The following CBFA2T2 variants were observed in gnomAD, a reference collection of about 807,000 sequenced individuals.
CBFA2T2 encodes protein CBFA2T2.
Under a neutral mutation model 62.2 loss-of-function variants are expected in CBFA2T2, and 11 were observed. The observed-to-expected ratio is 0.18, with a 90% confidence interval of 0.11 to 0.29. The LOEUF is 0.29. Among genes scored for constraint, CBFA2T2 ranks in the 10% least tolerant of loss-of-function variants. The pLI is 1.00. For synonymous variants in CBFA2T2, 295 were observed against 287.5 expected, an observed-to-expected ratio of 1.03 and a Z score of -0.27; for missense variants, 592 against 774.1, an observed-to-expected ratio of 0.76 and a Z score of 2.79.
Position 33,644,573 on chromosome 20 carries a change from A to T in CBFA2T2, c.1715A>T (p.Asp572Val). The T allele has an allele frequency of 6.2e-7, 1 of 1,613,506 alleles. No homozygotes were observed. Among genetic ancestry groups the T allele is most frequent in the Non-Finnish European group, 8.5e-7 (1 of 1,179,476 alleles). ...ADCSVPSPAL[D>V]KTSATTSRSS... The stretch of plus-strand genomic sequence containing the variant: ...TGCAGCGTGCCCAGCCCAGCCCTCG[A>T]CAAGACCTCGGCAACCACATCGCGT... The change falls in exon 11 of 11, where the codon GAC (aspartate) becomes GTC (valine). Residue 572 changes from aspartate to valine, a missense_variant. By Grantham distance (152) the Asp-to-Val change is radical (BLOSUM62 -3). This residue lies in a region of CBFA2T2 where 85 missense variants were observed against 99.0 expected (regional missense o/e 0.86). Transcript: ENST00000342704.
At chr20:33,528,287 C>G (rs1469161421) in intron 1 of CBFA2T2, among the ~76,000 whole-genome samples, 1 of 152,114 alleles carries the variant, frequency 6.6e-6, no homozygotes, top group African/African-American at 2.4e-5. Context: ...AGAGGTAAGG[C>G]CTGTGAACTC....
chr20:33,545,137 C>T (rs2012516940), intron 1 of CBFA2T2, among the ~76,000 whole-genome samples: 1 of 152,090 alleles, frequency 6.6e-6, no homozygotes, highest in South Asian at 2.1e-4. Context: ...AATTCAAAAC[C>T]TTTGTGAAAT....
chr20:33,628,271 T>A (rs2016322356), intron 6 of CBFA2T2, 79 bp from the exon 7 acceptor site: 2 of 902,590 alleles, frequency 2.2e-6, no homozygotes, highest in Non-Finnish European at 3.7e-6. Flanking sequence ...ATTATGAATA[T>A]GTGTGTATTT....
intron 2 of CBFA2T2, among the ~76,000 whole-genome samples, chr20:33,609,439 T>C (rs1020125970): frequency 9.2e-5 from 14 of 151,826 alleles, no homozygotes; most frequent in African/African-American, 3.4e-4. Flanking sequence ...GAGACGGAGG[T>C]TGCAGTAAGC....
chr20:33,494,220 C>T (rs2011170720), intron 1 of CBFA2T2, among the ~76,000 whole-genome samples: 1 of 105,132 alleles, frequency 9.5e-6, no homozygotes, highest in Admixed American at 1.2e-4. Flanking sequence ...TGTGACTGTA[C>T]TATGTATTAG....
chr20:33,629,843 A>T lies in CBFA2T2; in HGVS notation c.1157A>T (p.Glu386Val). The change falls in exon 8 of 11, where the codon GAG becomes GTG. Residue 386 changes from glutamate (E) to valine (V), a missense_variant. Physicochemically the swap from Glu to Val is moderately radical, Grantham distance 121. Coordinates refer to ENST00000342704, the MANE Select transcript of CBFA2T2 (RefSeq NM_001032999.3). ...YWKRRYNENT[E>V]LRKTGTELVS... is the part of the protein sequence containing the mutation. ...AAAAGACGGTACAATGAAAACACAG[A>T]GCTGAGGAAAACGGGGACCGAGTTG... The T allele has an allele frequency of 6.2e-7, 1 of 1,614,170 alleles. No individual in the cohort carries two copies.
At chr20:33,574,549 C>CG (rs1301966166) in intron 1 of CBFA2T2, among the ~76,000 whole-genome samples, 16 of 152,174 alleles carry the variant, frequency 1.1e-4, no homozygotes, top group Admixed American at 4.6e-4. Context: ...GGCTTGAACC[C>CG]GGGAGGCAGA....
intron 1 of CBFA2T2, among the ~76,000 whole-genome samples, chr20:33,512,307 G>T (rs1276005295): frequency 6.6e-6 from 1 of 150,824 alleles, no homozygotes; most frequent in South Asian, 2.1e-4. Context: ...ACCAAGATGG[G>T]GCTACTGCAC....
At chr20:33,633,846 T>C (rs2016537579) in intron 8 of CBFA2T2, among the ~76,000 whole-genome samples, 1 of 152,146 alleles carries the variant, frequency 6.6e-6, no homozygotes, top group Admixed American at 6.5e-5. Flanking sequence ...GCTGGTACTG[T>C]TCTGTTTCCT....
chr20:33,616,776 A>G (rs565000131), intron 3 of CBFA2T2, among the ~76,000 whole-genome samples: 1 of 152,132 alleles, frequency 6.6e-6, no homozygotes, highest in Admixed American at 6.6e-5. Context: ...TAGAGGATAC[A>G]TTGGAGTATA....
chr20:33,627,162 C>A (rs1281706718), intron 6 of CBFA2T2, among the ~76,000 whole-genome samples: 1 of 152,032 alleles, frequency 6.6e-6, no homozygotes. Context: ...CTTTGGGAGG[C>A]CTAGGTGGGC....
At chr20:33,529,306 T>C (rs981611809) in intron 1 of CBFA2T2, among the ~76,000 whole-genome samples, 1 of 152,104 alleles carries the variant, frequency 6.6e-6, no homozygotes, top group Non-Finnish European at 1.5e-5. Flanking sequence ...ATTACAGGCG[T>C]GAGCCACCGC....
intron 4 of CBFA2T2, among the ~76,000 whole-genome samples, chr20:33,622,262 A>G (rs763191469): frequency 2.0e-5 from 3 of 152,274 alleles, no homozygotes; most frequent in African/African-American, 7.2e-5. Flanking sequence ...TAAAACAGTC[A>G]CTAATTATGG....
chr20:33,546,041 C>T (rs555310756), intron 1 of CBFA2T2, among the ~76,000 whole-genome samples: 3 of 152,230 alleles, frequency 2.0e-5, no homozygotes, highest in South Asian at 4.1e-4. Flanking sequence ...TCTGTGCAAG[C>T]CTACCATGTG....
intron 9 of CBFA2T2, among the ~76,000 whole-genome samples, chr20:33,637,140 G>T (rs2016660693): frequency 6.6e-6 from 1 of 152,096 alleles, no homozygotes; most frequent in Admixed American, 6.5e-5. Context: ...CCTTCTCTGT[G>T]CCTACCATAG....
In CBFA2T2 at chr20:33,607,559, C is replaced by T. The variant is rs370268168; in HGVS notation, c.178+460C>T. Among the ~76,000 whole-genome samples, 9 of 152,208 alleles carry T rather than the reference C, an allele frequency of 5.9e-5. No individual in the cohort carries two copies. The East Asian group carries it at 1.7e-3, about 29-fold the overall frequency. On this transcript the variant is annotated intron_variant, in intron 2 of 10. Transcript: ENST00000342704. ...ATGGTTTAAACAATTTATTTTTATT[C>T]ACTTTTTCACAGTTCTGGAGGCAAG... is the stretch of plus-strand genomic sequence containing the variant.
At position 33,578,918 on chromosome 20, in the gene CBFA2T2, A is replaced by C. The variant is rs115204680; in HGVS notation, c.35-28038A>C. On this transcript the variant is annotated intron_variant, in intron 1 of 10. Coordinates refer to ENST00000342704, the MANE Select transcript of CBFA2T2 (RefSeq NM_001032999.3). ...AGCTATTGTACAAAGACCTGGTGTAAAGAAATAGCCTGAGTGATGTCTACA... is the reference window on the plus strand; with the variant it reads ...AGCTATTGTACAAAGACCTGGTGTACAGAAATAGCCTGAGTGATGTCTACA... Among the ~76,000 whole-genome samples, 738 of 152,306 alleles carry C rather than the reference A, an allele frequency of 4.8e-3. 8 individuals are homozygous for C. The highest frequency in any genetic ancestry group is 0.016 in the African/African-American group (681 of 41,566).
chr20:33,624,869 G>GC lies in CBFA2T2; in HGVS notation c.802dup (p.Leu268ProfsTer43). On this transcript the variant is annotated frameshift_variant, in exon 6 of 11. Coordinates refer to ENST00000342704, the MANE Select transcript of CBFA2T2 (RefSeq NM_001032999.3). LOFTEE classifies it high-confidence loss of function. ...CTCGGCACAGTCCTGCTCTCACTGT[G>GC]CCCCTCATGAATCCCGGGGGCCAAT... is the stretch of plus-strand genomic sequence containing the variant. 6.2e-7 allele frequency: 1 copy of GC among 1,614,084 alleles called. No individual in the cohort carries two copies. The highest frequency in any genetic ancestry group is 8.5e-7 in the Non-Finnish European group (1 of 1,180,016).
intron 1 of CBFA2T2, among the ~76,000 whole-genome samples, chr20:33,598,723 A>G (rs2014996971): frequency 6.6e-6 from 1 of 152,228 alleles, no homozygotes; most frequent in South Asian, 2.1e-4. Flanking sequence ...TGGGGAAGTG[A>G]TAAGTGTCCA....
Sources: allele counts gnomAD v4.1 joint callset (sites outside exome capture counted in the v4.1 genomes callset), GRCh38; gene constraint gnomAD v4.1.1; regional missense constraint gnomAD v4.1.1; transcripts MANE v1.5; gene names NCBI Gene and HGNC (gene_info 2026-07-23, HGNC 2026-07-21).